TENM2: variants seen among roughly 807,000 people sequenced by gnomAD.
TENM2 encodes the protein teneurin transmembrane protein 2.
In TENM2, 52 loss-of-function variants were observed where a neutral mutation model predicts 245.2. The ratio of observed to expected loss-of-function variants is 0.21; its 90% CI spans 0.17 to 0.27. TENM2 has a LOEUF of 0.27. Ranked by LOEUF, TENM2 falls within the 10% of genes least tolerant of loss-of-function variation. The pLI is 1.00. For missense variants in TENM2, 3,046 were observed against 3,666.8 expected (o/e 0.83, Z 4.37); for synonymous variants, 1,363 against 1,438.9 (o/e 0.95, Z 1.19).
chr5:167,196,879 T>A, the TENM2 span, among the ~76,000 whole-genome samples: 3 of 151,930 alleles, frequency 2.0e-5, no homozygotes, highest in Non-Finnish European at 4.4e-5. Flanking sequence ...TCTTTGAATT[T>A]TGGAGGGGTG....
the TENM2 span, among the ~76,000 whole-genome samples, chr5:167,084,005 T>A: frequency 6.6e-6 from 1 of 152,070 alleles, no homozygotes; most frequent in Non-Finnish European, 1.5e-5. Context: ...CCTTGTTATA[T>A]AAATCACGTA....
At chr5:168,227,822 G>A in intron 24 of TENM2, 73 bp from the exon 27 acceptor site, 1 of 985,930 alleles carries the variant, frequency 1.0e-6, no homozygotes, top group Non-Finnish European at 1.5e-6. Context: ...AAAAAATAGG[G>A]GTTCTATTCT....
At chr5:167,766,526 G>A (rs1322716581) in intron 2 of TENM2, among the ~76,000 whole-genome samples, 2 of 152,104 alleles carry the variant, frequency 1.3e-5, no homozygotes, top group African/African-American at 2.4e-5. Flanking sequence ...CCATTCAAAT[G>A]GCTATTATCA....
chr5:167,925,426 A>C (rs542583219), intron 3 of TENM2, among the ~76,000 whole-genome samples: 1 of 152,352 alleles, frequency 6.6e-6, no homozygotes, highest in East Asian at 1.9e-4. Flanking sequence ...AATATTCTCT[A>C]TCCTGAGAAA....
chr5:167,234,780 A>G, the TENM2 span, among the ~76,000 whole-genome samples: 1 of 152,220 alleles, frequency 6.6e-6, no homozygotes, highest in Non-Finnish European at 1.5e-5. Context: ...AAGAGATTAT[A>G]TATGATGGAA....
At chr5:167,232,873 C>T in the TENM2 span, among the ~76,000 whole-genome samples, 18,597 of 152,210 alleles carry the variant, frequency 0.12, 1,415 homozygotes, top group South Asian at 0.18. Context: ...TGAATAACGG[C>T]TGTCCTTTAT....
At chr5:167,951,229 CT>C (rs1223580591) in intron 3 of TENM2, among the ~76,000 whole-genome samples, 4 of 152,202 alleles carry the variant, frequency 2.6e-5, no homozygotes, top group African/African-American at 7.2e-5. Context: ...TGTCAAATTG[CT>C]TGTTTAAATG....
intron 2 of TENM2, among the ~76,000 whole-genome samples, chr5:167,813,885 C>G (rs1766835052): frequency 2.6e-5 from 4 of 152,146 alleles, no homozygotes; most frequent in Admixed American, 2.6e-4. Flanking sequence ...AGGAAGGCAA[C>G]AGATGTGTTT....
chr5:168,092,601 T>C (rs1442413472), intron 8 of TENM2, among the ~76,000 whole-genome samples: 2 of 152,164 alleles, frequency 1.3e-5, no homozygotes, highest in African/African-American at 4.8e-5. Flanking sequence ...ATACCCAGAA[T>C]TAGGTTAGGT....
intron 2 of TENM2, among the ~76,000 whole-genome samples, chr5:167,434,919 G>GT: frequency 6.6e-6 from 1 of 152,174 alleles, no homozygotes; most frequent in Non-Finnish European, 1.5e-5. Context: ...TAGTTATTGA[G>GT]TTGAATATGT....
chr5:167,863,395 G>A (rs1463943029), intron 2 of TENM2, among the ~76,000 whole-genome samples: 1 of 151,956 alleles, frequency 6.6e-6, no homozygotes, highest in African/African-American at 2.4e-5. Context: ...CAGGAGAATT[G>A]CCTGGGGTCG....
chr5:167,045,702 C>G, the TENM2 span, among the ~76,000 whole-genome samples: 1 of 152,212 alleles, frequency 6.6e-6, no homozygotes, highest in African/African-American at 2.4e-5. Flanking sequence ...ATTCACTCAA[C>G]TGGTTTGCAT....
intron 13 of TENM2, among the ~76,000 whole-genome samples, chr5:168,180,428 T>C (rs1759766127): frequency 6.6e-6 from 1 of 152,256 alleles, no homozygotes; most frequent in African/African-American, 2.4e-5. Context: ...CCACCTCCAC[T>C]TTTGTGTTTC....
intron 7 of TENM2, among the ~76,000 whole-genome samples, chr5:168,087,997 C>A (rs1330429473): frequency 6.6e-6 from 1 of 152,146 alleles, no homozygotes; most frequent in Non-Finnish European, 1.5e-5. Flanking sequence ...TCTTCTCTTT[C>A]CCCTGAAAAA....
At chr5:167,566,968 C>T (rs570004454) in intron 2 of TENM2, among the ~76,000 whole-genome samples, 2 of 152,170 alleles carry the variant, frequency 1.3e-5, no homozygotes, top group East Asian at 3.9e-4. Flanking sequence ...AACCAAAATG[C>T]CAGAACATGT....
the TENM2 span, among the ~76,000 whole-genome samples, chr5:167,101,704 G>A: frequency 6.6e-6 from 1 of 151,194 alleles, no homozygotes; most frequent in East Asian, 2.0e-4. Flanking sequence ...GAAACCCCAG[G>A]CCACATGTAG....
At chr5:168,146,376 A>G (rs1462478984) in intron 12 of TENM2, among the ~76,000 whole-genome samples, 4 of 152,156 alleles carry the variant, frequency 2.6e-5, no homozygotes, top group Admixed American at 6.5e-5. Context: ...GGTAGAAGAG[A>G]TGATAGATTG....
At chr5:167,496,347 A>G (rs1339905915) in intron 2 of TENM2, among the ~76,000 whole-genome samples, 1 of 152,056 alleles carries the variant, frequency 6.6e-6, no homozygotes, top group Non-Finnish European at 1.5e-5. Flanking sequence ...CGATTTTTAA[A>G]ATGACACTGA....
intron 27 of TENM2, among the ~76,000 whole-genome samples, chr5:168,257,824 C>T (rs1375891106): frequency 6.6e-6 from 1 of 152,122 alleles, no homozygotes; most frequent in Non-Finnish European, 1.5e-5. Context: ...CCATGTTGGA[C>T]AGTCTGGTCT....
Sources: gnomAD v4.1 joint callset for allele counts (sites outside exome capture counted in the v4.1 genomes callset) on GRCh38, gnomAD v4.1.1 for gene constraint, MANE v1.5 for transcripts, NCBI Gene and HGNC (gene_info 2026-07-23, HGNC 2026-07-21) for gene names.